Variants in HERC2 observed in about 807,000 individuals in gnomAD.
HERC2 encodes HECT and RLD domain containing E3 ubiquitin protein ligase 2.
A neutral mutation model predicts 537.7 loss-of-function variants in HERC2; 102 were observed. The ratio of observed to expected loss-of-function variants is 0.19; its 90% CI spans 0.16 to 0.22. The LOEUF (loss-of-function observed/expected upper bound fraction) is 0.22. Ranked by LOEUF, HERC2 falls within the 10% of genes least tolerant of loss-of-function variation. HERC2 has a pLI of 1.00. For missense variants in HERC2, 4,236 were observed against 6,198.2 expected, an observed-to-expected ratio of 0.68 and a Z score of 10.63; for synonymous variants, 2,224 against 2,466.2, an observed-to-expected ratio of 0.90 and a Z score of 2.91.
chr15:28,167,923 A>C, intron 67 of HERC2, 96 bp from the exon 68 acceptor site: 2 of 1,325,944 alleles, frequency 1.5e-6, no homozygotes, highest in Non-Finnish European at 2.1e-6. Flanking sequence ...ACCTAAAACT[A>C]CTTGGGCTGT....
chr15:28,266,241 C>T (rs1028247704), intron 12 of HERC2, among the ~76,000 whole-genome samples: 7 of 152,044 alleles, frequency 4.6e-5, no homozygotes, highest in African/African-American at 7.2e-5. Flanking sequence ...ATAGGCTAGG[C>T]GCGGTGGCTC....
chr15:28,259,866 G>A (rs1049132142), intron 16 of HERC2, among the ~76,000 whole-genome samples: 3 of 151,312 alleles, frequency 2.0e-5, no homozygotes, highest in Admixed American at 6.6e-5. Flanking sequence ...TACTCAGGAG[G>A]CTGACGCAGG....
chr15:28,139,827 A>G (rs571033047), intron 78 of HERC2, among the ~76,000 whole-genome samples: 25 of 151,950 alleles, frequency 1.6e-4, no homozygotes, highest in South Asian at 1.2e-3. Flanking sequence ...TTGGGAGGCC[A>G]AGGTGGTCGG....
rs147609746 is a variant in HERC2, at chr15:28,138,703, A to G, written c.12015+2729T>C. Among the ~76,000 whole-genome samples the G allele has an allele frequency of 4.8e-3, 725 of 152,098 alleles. 6 individuals carry two copies. Among genetic ancestry groups the G allele is most frequent in the African/African-American group, 0.016 (682 of 41,538 alleles). On this transcript the variant is annotated intron_variant, in intron 78 of 92. Coordinates refer to ENST00000261609, the MANE Select transcript of HERC2 (RefSeq NM_004667.6). ...TTGTTTTCATGCCGGCTAACACATC[A>G]TTTTTTCTGCAGCCACATGGATCAA... is the stretch of plus-strand genomic sequence containing the variant.
At position 28,268,619 on chromosome 15, in the gene HERC2, A is replaced by G. The variant is rs773073600; in HGVS notation, c.1447-3T>C. 1 of 1,612,770 alleles carries G rather than the reference A, an allele frequency of 6.2e-7. No homozygotes were observed. Among genetic ancestry groups the G allele is most frequent in the South Asian group, 1.1e-5 (1 of 90,890 alleles). ...AGGCCTTGGACCAGCTGTGGGGCCT[A>G]AAGAAGGAAAAATACGAAGAAAAGT... On this transcript the variant is annotated splice_region_variant and splice_polypyrimidine_tract_variant and intron_variant, in intron 11 of 92. Transcript: ENST00000261609. This position sits in a 1 kb window ranked among gnomAD's most constrained non-coding sequence, Gnocchi z 4.7.
At chr15:28,287,652 C>G (rs1224356293) in intron 4 of HERC2, among the ~76,000 whole-genome samples, 1 of 151,618 alleles carries the variant, frequency 6.6e-6, no homozygotes, top group East Asian at 1.9e-4. Flanking sequence ...TGCACAGCAA[C>G]TCTCTAAGTA....
chr15:28,168,434 A>G lies in HERC2; in HGVS notation c.10386T>C (p.Ser3462=). Residue 3462 remains serine, a synonymous_variant, in exon 67 of 93, where the codon AGT becomes AGC. Transcript: ENST00000261609. ...MLAVDIEDRL[S]PNPWQEKREI... is the part of the protein sequence containing the mutation. ...CTCTCTTTTCTTGCCATGGATTTGG[A>G]CTCAGTCTGTCTTCGATATCAACAG... 2 of 1,613,956 alleles carry G rather than the reference A, an allele frequency of 1.2e-6. No individual in the cohort carries two copies. The highest frequency in any genetic ancestry group is 1.7e-6 in the Non-Finnish European group (2 of 1,179,960).
chr15:28,185,445 T>C (rs1163803418), intron 56 of HERC2, among the ~76,000 whole-genome samples: 1 of 152,220 alleles, frequency 6.6e-6, no homozygotes, highest in African/African-American at 2.4e-5. Context: ...TGCATACCCT[T>C]TGACTTAGCA....
At chr15:28,273,179 A>G in intron 7 of HERC2, 175 bp from the exon 8 acceptor site, 1 of 625,140 alleles carries the variant, frequency 1.6e-6, no homozygotes, top group Non-Finnish European at 2.8e-6. Context: ...ATAAGTGTAC[A>G]ATTAGCTTAC....
chr15:28,176,712 C>A lies in HERC2; in HGVS notation c.9489G>T (p.Ala3163=), dbSNP rs764648119. ...CTTCATCGGTCAGAGCCAGGGTCTG[C>A]GCGTCTCTACTCCCACATGCAACCT... ...VIQVACGSRD[A]QTLALTDEGL... is the part of the protein sequence containing the mutation. The change falls in exon 62 of 93, where the codon GCG becomes GCT. Residue 3163 remains alanine, a synonymous_variant. Transcript: ENST00000261609. The surrounding 1 kb of genome is among the most constrained non-coding windows in gnomAD (Gnocchi z 5.0). 6.2e-7 allele frequency: 1 copy of A among 1,614,086 alleles called. No homozygotes were observed. The highest frequency in any genetic ancestry group is 1.1e-5 in the South Asian group (1 of 91,068).
At position 28,245,897 on chromosome 15, in the gene HERC2, G is replaced by A; in HGVS notation, c.3561C>T (p.Ala1187=). 6.2e-7 allele frequency: 1 copy of A among 1,614,012 alleles called. No individual in the cohort carries two copies. The highest frequency in any genetic ancestry group is 1.1e-5 in the South Asian group (1 of 91,074). ...GKERDDHEEL[A]WPGIMESFFT... ...ACGCCGTACCCATTATGCCAGGCCA[G>A]GCTAACTCTTCATGATCATCCCGTT... The change falls in exon 23 of 93, where the codon GCC becomes GCT. Residue 1187 remains alanine (A), a synonymous_variant. Coordinates refer to ENST00000261609, the MANE Select transcript of HERC2 (RefSeq NM_004667.6).
At chr15:28,214,033 G>A (rs1301890063) in intron 41 of HERC2, 43 bp downstream of exon 41, 3 of 1,610,528 alleles carry the variant, frequency 1.9e-6, no homozygotes, top group Non-Finnish European at 2.5e-6. Context: ...AATCCCTACA[G>A]GTTCACCGTT....
chr15:28,117,195 A>T (rs761048186), intron 86 of HERC2, 41 bp from the exon 87 acceptor site: 1 of 1,603,330 alleles, frequency 6.2e-7, no homozygotes. Context: ...CCGCTGCCGC[A>T]GCAGGAAGCA....
intron 69 of HERC2, among the ~76,000 whole-genome samples, 154 bp downstream of exon 69, chr15:28,162,940 G>A (rs966572393): frequency 5.3e-5 from 8 of 152,176 alleles, no homozygotes; most frequent in South Asian, 2.1e-4. Flanking sequence ...ATGCTAAAAC[G>A]TTTTGCTCTA....
intron 59 of HERC2, 119 bp downstream of exon 59, chr15:28,178,768 T>A (rs1895539711): frequency 6.1e-6 from 7 of 1,139,016 alleles, no homozygotes; most frequent in Non-Finnish European, 8.5e-6. Flanking sequence ...TTATCCAATT[T>A]TTATTCCTAC....
intron 79 of HERC2, among the ~76,000 whole-genome samples, chr15:28,133,384 T>C (rs1347339127): frequency 6.6e-6 from 1 of 152,218 alleles, no homozygotes; most frequent in Non-Finnish European, 1.5e-5. Flanking sequence ...TGATTGTGAA[T>C]ATCCTTTCCC....
In HERC2 at chr15:28,124,129, T is replaced by C. The variant is rs765878268; in HGVS notation, c.13096A>G (p.Met4366Val). 1 of 1,603,654 alleles carries C rather than the reference T, an allele frequency of 6.2e-7. No homozygotes were observed. The highest frequency in any genetic ancestry group is 8.5e-7 in the Non-Finnish European group (1 of 1,174,974). Residue 4366 changes from methionine to valine, a missense_variant, in exon 85 of 93, where the codon ATG becomes GTG. Physicochemically the swap from Met to Val is conservative, Grantham distance 21. Around this residue, in one of 27 missense-constraint regions of HERC2, gnomAD observed 189 missense variants for 255.7 expected, o/e 0.74. Transcript: ENST00000261609. ...TCGAGCGAGCCTTCCAGGTCGAACATGGGGATGCAGGGGCAGAAGAGCTCG... is the reference window on the plus strand; with the variant it reads ...TCGAGCGAGCCTTCCAGGTCGAACACGGGGATGCAGGGGCAGAAGAGCTCG... ...LSELFCPCIP[M>V]FDLEGSLDET...
intron 17 of HERC2, 75 bp from the exon 18 acceptor site, chr15:28,256,392 T>A: frequency 1.0e-6 from 1 of 957,074 alleles, no homozygotes; most frequent in African/African-American, 1.6e-5. Context: ...AAACACTGAA[T>A]AAAAGTCAAT....
chr15:28,297,169 C>G (rs1332283762), intron 3 of HERC2, among the ~76,000 whole-genome samples: 1 of 152,180 alleles, frequency 6.6e-6, no homozygotes, highest in Admixed American at 6.6e-5. Flanking sequence ...TGAGTTGATT[C>G]CATGAAATGG....
Sources: gnomAD v4.1 joint callset for allele counts (sites outside exome capture counted in the v4.1 genomes callset) on GRCh38, gnomAD v4.1.1 for gene constraint, gnomAD v4.1.1 regional missense constraint, Gnocchi (gnomAD v3.1) non-coding constraint, MANE v1.5 for transcripts, NCBI Gene and HGNC (gene_info 2026-07-23, HGNC 2026-07-21) for gene names.